DTNB: variants seen among roughly 807,000 people sequenced by gnomAD.
DTNB encodes DTN-B.
A neutral mutation model predicts 90.7 loss-of-function variants in DTNB; 63 were observed. That is an observed-to-expected ratio of 0.69 (90% CI 0.57 to 0.86). The LOEUF (loss-of-function observed/expected upper bound fraction) is 0.86. Ranked by LOEUF, DTNB falls within the 40% of genes least tolerant of loss-of-function variation. The pLI is 0.00. For synonymous variants in DTNB, 277 were observed against 286.7 expected (o/e 0.97, Z 0.34); for missense variants, 744 against 807.1 (o/e 0.92, Z 0.95).
intron 12 of DTNB, among the ~76,000 whole-genome samples, chr2:25,438,067 G>A (rs2056414949): frequency 6.6e-6 from 1 of 152,180 alleles, no homozygotes. Flanking sequence ...AGGTCTGAGG[G>A]AAGGCCTGCT....
intron 4 of DTNB, among the ~76,000 whole-genome samples, chr2:25,609,896 G>T (rs370728338): frequency 1.1e-4 from 17 of 151,960 alleles, no homozygotes; most frequent in African/African-American, 4.1e-4. Context: ...AGAGAAAAAG[G>T]GAAGCTGCAT....
chr2:25,447,499 CTTTTT>C (rs34508984), intron 12 of DTNB, among the ~76,000 whole-genome samples: 2 of 116,026 alleles, frequency 1.7e-5, no homozygotes, highest in Non-Finnish European at 3.5e-5. Context: ...AGCTAGTTAT[CTTTTT>C]TTTTTTTTTT....
intron 10 of DTNB, among the ~76,000 whole-genome samples, chr2:25,476,412 T>G (rs1281806047): frequency 1.3e-5 from 2 of 152,196 alleles, no homozygotes; most frequent in African/African-American, 2.4e-5. Flanking sequence ...ATACATTTTG[T>G]AAGACTATAG....
intron 9 of DTNB, among the ~76,000 whole-genome samples, chr2:25,486,143 AT>A (rs1162478661): frequency 6.6e-6 from 1 of 150,508 alleles, no homozygotes; most frequent in Non-Finnish European, 1.5e-5. Context: ...ATAAAATAAA[AT>A]AAAATAAAAT....
intron 9 of DTNB, among the ~76,000 whole-genome samples, chr2:25,502,409 A>G (rs1406203055): frequency 6.6e-6 from 1 of 152,126 alleles, no homozygotes; most frequent in Non-Finnish European, 1.5e-5. Flanking sequence ...GGTGCACCAC[A>G]ACCATTAGAC....
chr2:25,539,374 A>G (rs2080618703), intron 8 of DTNB, among the ~76,000 whole-genome samples: 1 of 152,130 alleles, frequency 6.6e-6, no homozygotes, highest in South Asian at 2.1e-4. Context: ...AGTTCCTTAA[A>G]CTTCACATTC....
At chr2:25,631,916 C>T (rs2075833812) in intron 3 of DTNB, among the ~76,000 whole-genome samples, 1 of 152,084 alleles carries the variant, frequency 6.6e-6, no homozygotes, top group African/African-American at 2.4e-5. Context: ...CATCCTTGGC[C>T]GGGCACAGTG....
At position 25,379,398 on chromosome 2, in the gene DTNB, G is replaced by A. The variant is rs2036886643; in HGVS notation, c.1880-75C>T. The stretch of plus-strand genomic sequence containing the variant: ...CTCATGCCCCAGACTATCTCAAAGG[G>A]GCTTCCCTGACCAACCCACCCCAGG... On this transcript the variant is annotated intron_variant, in intron 19 of 20. Coordinates refer to ENST00000406818, the MANE Select transcript of DTNB (RefSeq NM_021907.5). The A allele has an allele frequency of 1.5e-5, 19 of 1,285,196 alleles. No homozygotes were observed. The Admixed American group carries it at 6.7e-4, about 45-fold the overall frequency. The allele number at this position is 1,285,196 out of a possible 1,614,324, so 79.6% of individuals were successfully genotyped here. A position where few individuals can be genotyped will look rare whatever the true frequency, so the allele number is the denominator to read the frequency against.
intron 12 of DTNB, among the ~76,000 whole-genome samples, chr2:25,439,662 T>C (rs2150032197): frequency 6.6e-6 from 1 of 152,288 alleles, no homozygotes; most frequent in Non-Finnish European, 1.5e-5. Flanking sequence ...GGAATGAAAG[T>C]AGGGAGACGA....
chr2:25,403,277 C>A (rs373979796), intron 16 of DTNB, among the ~76,000 whole-genome samples: 1 of 152,110 alleles, frequency 6.6e-6, no homozygotes, highest in Non-Finnish European at 1.5e-5. Flanking sequence ...CACCACACCC[C>A]GCTAATTTTT....
intron 9 of DTNB, among the ~76,000 whole-genome samples, chr2:25,488,898 G>A (rs1318675502): frequency 2.0e-5 from 3 of 152,198 alleles, no homozygotes; most frequent in Non-Finnish European, 2.9e-5. Flanking sequence ...TGATCCATCT[G>A]CCACAGCCTC....
chr2:25,576,911 T>C lies in DTNB; in HGVS notation c.803A>G (p.Gln268Arg), dbSNP rs770188862. Reference protein sequence around the residue: ...CQQCHNYQLCQNCFWRGHAGG... With the variant: ...CQQCHNYQLCRNCFWRGHAGG... Reference sequence around the variant, plus strand: ...GGCATGGCCACGCCAAAAGCAATTCTGGCAGAGCTGATAGTTGTGGCACTG... The same window carrying C: ...GGCATGGCCACGCCAAAAGCAATTCCGGCAGAGCTGATAGTTGTGGCACTG... The change falls in exon 8 of 21, where the codon CAG (glutamine) becomes CGG (arginine). Residue 268 changes from glutamine to arginine, a missense_variant. Transcript: ENST00000406818. 2 of 1,613,360 alleles carry C rather than the reference T, an allele frequency of 1.2e-6. No individual in the cohort carries two copies. Among genetic ancestry groups the C allele is most frequent in the Non-Finnish European group, 1.7e-6 (2 of 1,179,686 alleles).
At chr2:25,602,827 A>G (rs2066190358) in intron 5 of DTNB, among the ~76,000 whole-genome samples, 1 of 152,212 alleles carries the variant, frequency 6.6e-6, no homozygotes, top group African/African-American at 2.4e-5. Context: ...TTAAAACTAC[A>G]TTACACTTAT....
intron 8 of DTNB, among the ~76,000 whole-genome samples, chr2:25,570,990 C>T (rs988590942): frequency 2.6e-5 from 4 of 152,222 alleles, no homozygotes; most frequent in Admixed American, 2.0e-4. Context: ...TTAAGTTCAA[C>T]ATGTCCGGAA....
intron 8 of DTNB, among the ~76,000 whole-genome samples, chr2:25,533,716 C>G (rs1189276904): frequency 6.6e-6 from 1 of 152,208 alleles, no homozygotes; most frequent in Non-Finnish European, 1.5e-5. Context: ...GTCTCTGTAT[C>G]TTGGCATGTG....
chr2:25,411,634 C>T (rs1360243624), intron 16 of DTNB, among the ~76,000 whole-genome samples: 3 of 152,186 alleles, frequency 2.0e-5, no homozygotes, highest in Admixed American at 1.3e-4. Context: ...TACCAACAGA[C>T]ATCTGTACCA....
chr2:25,589,967 A>C (rs1421031351), intron 6 of DTNB, among the ~76,000 whole-genome samples: 1 of 152,192 alleles, frequency 6.6e-6, no homozygotes, highest in Non-Finnish European at 1.5e-5. Flanking sequence ...GCCACTATGC[A>C]CAGCCAGGCA....
At chr2:25,433,053 C>T (rs2054490592) in intron 13 of DTNB, 54 bp from the exon 14 acceptor site, 2 of 1,480,224 alleles carry the variant, frequency 1.4e-6, no homozygotes, top group African/African-American at 1.4e-5. Context: ...CACTCACGCT[C>T]CCTCTTTCCC....
At chr2:25,490,394 T>A (rs965896831) in intron 9 of DTNB, among the ~76,000 whole-genome samples, 1 of 152,008 alleles carries the variant, frequency 6.6e-6, no homozygotes, top group Non-Finnish European at 1.5e-5. Context: ...TTACTACTAG[T>A]CAAGAGTGAA....
Sources: allele counts gnomAD v4.1 joint callset (sites outside exome capture counted in the v4.1 genomes callset), GRCh38; gene constraint gnomAD v4.1.1; transcripts MANE v1.5; gene names NCBI Gene and HGNC (gene_info 2026-07-23, HGNC 2026-07-21).